Variants in OASL observed in about 807,000 individuals in gnomAD.
OASL encodes the protein 2'-5'-oligoadenylate synthetase like, also known as 2'-5'-oligoadenylate synthase-like protein.
OASL carries 28 observed loss-of-function variants against 35.3 expected under a neutral mutation model. The observed-to-expected ratio is 0.79, with a 90% CI of 0.59 to 1.09. The LOEUF is 1.09. Among genes scored for constraint, OASL ranks in the 50% least tolerant of loss-of-function variants. OASL has a pLI of 0.00. For synonymous variants in OASL, 252 were observed against 254.6 expected, an observed-to-expected ratio of 0.99 and a Z score of 0.10; for missense variants, 620 against 635.2, an observed-to-expected ratio of 0.98 and a Z score of 0.26.
At chr12:121,037,281 C>T (rs1184161887) in intron 1 of OASL, among the ~76,000 whole-genome samples, 11 of 152,100 alleles carry the variant, frequency 7.2e-5, no homozygotes, top group Admixed American at 5.9e-4. Flanking sequence ...GTGAGACTGT[C>T]TGATTCTCCA....
intron 5 of OASL, among the ~76,000 whole-genome samples, chr12:121,022,172 C>T (rs963589940): frequency 1.9e-4 from 29 of 151,142 alleles, no homozygotes; most frequent in African/African-American, 6.3e-4. Context: ...CTGCAACCTC[C>T]GCCTCCCAGG....
intron 4 of OASL, among the ~76,000 whole-genome samples, chr12:121,026,133 G>T (rs767198755): frequency 6.6e-6 from 1 of 152,202 alleles, no homozygotes; most frequent in South Asian, 2.1e-4. Flanking sequence ...CCGGACAGGT[G>T]TGGAGAGAGA....
At position 121,031,590 on chromosome 12, in the gene OASL, G is replaced by GT; in HGVS notation, c.508_509insA (p.Pro170HisfsTer3). On this transcript the variant is annotated frameshift_variant, in exon 3 of 6. Transcript: ENST00000257570. LOFTEE classifies it high-confidence loss of function. ...GATCAGGCTCACATAGACCTCAGGG[G>GT]GTGGCTGGGAGTTGGGAAGAGAAGG... 1 of 1,613,674 alleles carries GT rather than the reference G, an allele frequency of 6.2e-7. No homozygotes were observed.
intron 3 of OASL, among the ~76,000 whole-genome samples, chr12:121,030,940 C>T (rs972067630): frequency 6.6e-6 from 1 of 151,772 alleles, no homozygotes; most frequent in African/African-American, 2.4e-5. Flanking sequence ...CGAAACCAGG[C>T]TGGTCAACAT....
chr12:121,024,162 A>G (rs1869382291), intron 4 of OASL, 25 bp from the exon 5 acceptor site: 2 of 1,610,734 alleles, frequency 1.2e-6, no homozygotes, highest in Admixed American at 1.7e-5. Flanking sequence ...AAGGGTGCCC[A>G]GGCTCATAAT....
At chr12:121,030,369 T>C (rs1174188995) in intron 3 of OASL, among the ~76,000 whole-genome samples, 1 of 152,102 alleles carries the variant, frequency 6.6e-6, no homozygotes, top group African/African-American at 2.4e-5. Context: ...CACGCCTGGC[T>C]ATTTTTTTGT....
rs776013396 is a variant in OASL, at chr12:121,033,654, C to T, written c.288G>A (p.Glu96=). ...GAACATCTTTGTGATGCTTGGCTGC[C>T]TCCTGGAAGCTGTGGAAACAGCTCA... Residue 96 remains glutamate, a synonymous_variant, in exon 2 of 6, where the codon GAG becomes GAA. Coordinates refer to ENST00000257570, the Ensembl canonical transcript of OASL. 23 of 1,614,190 alleles carry T rather than the reference C, an allele frequency of 1.4e-5. No individual in the cohort carries two copies. In the East Asian group the frequency reaches 4.7e-4, roughly 33 times the overall value.
intron 3 of OASL, among the ~76,000 whole-genome samples, chr12:121,030,265 C>T (rs1417113412): frequency 2.0e-5 from 3 of 152,092 alleles, no homozygotes; most frequent in Non-Finnish European, 4.4e-5. Flanking sequence ...AGTACAGTGG[C>T]GCGATCTCGG....
chr12:121,037,649 G>T (rs184285704), intron 1 of OASL, among the ~76,000 whole-genome samples: 8 of 152,094 alleles, frequency 5.3e-5, no homozygotes, highest in Middle Eastern at 3.4e-3. Context: ...GGTGGGCGCT[G>T]TCGTCCCAGC....
At chr12:121,035,384 G>A (rs868187788) in intron 1 of OASL, among the ~76,000 whole-genome samples, 2 of 152,158 alleles carry the variant, frequency 1.3e-5, no homozygotes, top group Middle Eastern at 3.4e-3. Flanking sequence ...AATTAGCCAG[G>A]TGTGGTTGTG....
At chr12:121,031,009 A>G (rs146026040) in intron 3 of OASL, among the ~76,000 whole-genome samples, 1 of 152,080 alleles carries the variant, frequency 6.6e-6, no homozygotes, top group African/African-American at 2.4e-5. Context: ...ATGGTTGTGC[A>G]TGCCTGTAGT....
chr12:121,021,006 T>C (rs1378134734), exon 6 of OASL: 1 of 1,612,124 alleles, frequency 6.2e-7, no homozygotes, highest in East Asian at 2.2e-5. Flanking sequence ...CACGATGAGG[T>C]TGAAATCTGG....
At position 121,026,161 on chromosome 12, in the gene OASL, A is replaced by G. The variant is rs146206798; in HGVS notation, c.899+1415T>C. 2.5e-3 allele frequency among the ~76,000 whole-genome samples: 377 copies of G among 152,282 alleles called. 3 individuals are homozygous for G. Among genetic ancestry groups the G allele is most frequent in the Middle Eastern group, 0.01 (3 of 294 alleles). On this transcript the variant is annotated intron_variant, in intron 4 of 5. Transcript: ENST00000257570. Reference sequence around the variant, plus strand: ...GAGAGAGAAGCAGAGGCTGAGGGGAAAAGTGCTGTAGTTCATGAGAGAGAG... The same window carrying G: ...GAGAGAGAAGCAGAGGCTGAGGGGAGAAGTGCTGTAGTTCATGAGAGAGAG...
At chr12:121,037,809 C>T (rs1289619079) in intron 1 of OASL, among the ~76,000 whole-genome samples, 6 of 142,652 alleles carry the variant, frequency 4.2e-5, no homozygotes, top group Non-Finnish European at 3.0e-5. Context: ...TTTTATTGGC[C>T]GGCCAGACAT....
chr12:121,025,328 C>T (rs980737253), intron 4 of OASL, among the ~76,000 whole-genome samples: 19 of 152,142 alleles, frequency 1.2e-4, no homozygotes, highest in Admixed American at 1.3e-4. Flanking sequence ...TACCCATCTA[C>T]CTCCTCAACA....
exon 6 of OASL, chr12:121,020,463 G>T: frequency 7.9e-7 from 1 of 1,269,440 alleles, no homozygotes; most frequent in Non-Finnish European, 1.1e-6. Flanking sequence ...AACTGGTGAA[G>T]ACCTGGGACC....
chr12:121,036,667 A>G (rs1869969405), intron 1 of OASL, among the ~76,000 whole-genome samples: 2 of 152,040 alleles, frequency 1.3e-5, no homozygotes, highest in African/African-American at 4.8e-5. Flanking sequence ...ACACACACAC[A>G]ATAAACTTAT....
intron 2 of OASL, 64 bp from the exon 3 acceptor site, chr12:121,031,681 A>G: frequency 6.9e-7 from 1 of 1,451,634 alleles, no homozygotes; most frequent in Non-Finnish European, 9.6e-7. Context: ...GGTAAGTAGT[A>G]TTTTGGGGAG....
rs1869960398 is a variant in OASL at position 121,036,427 on chromosome 12, GA to G, written c.198+2346del. On this transcript the variant is annotated intron_variant, in intron 1 of 5. Coordinates refer to ENST00000257570, the Ensembl canonical transcript of OASL. ...TGCTACCATTTAGTGGTTTCAAGAG[GA>G]AAAGTGGCTATGATGTGCAGGAAGT... 3.9e-5 allele frequency among the ~76,000 whole-genome samples: 6 copies of G among 152,288 alleles called. No individual in the cohort carries two copies. In the South Asian group the frequency reaches 1.2e-3, roughly 32 times the overall value.
Sources: allele counts gnomAD v4.1 joint callset (sites outside exome capture counted in the v4.1 genomes callset), GRCh38; gene constraint gnomAD v4.1.1; transcripts MANE v1.5; gene names NCBI Gene and HGNC (gene_info 2026-07-23, HGNC 2026-07-21).